CNTNAP2: variants seen among roughly 807,000 people sequenced by gnomAD.
CNTNAP2 encodes the protein contactin-associated protein-like 2.
Under a neutral mutation model 155.2 loss-of-function variants are expected in CNTNAP2, and 98 were observed. The ratio of observed to expected loss-of-function variants is 0.63; its 90% CI spans 0.54 to 0.75. The LOEUF is 0.75. Ranked by LOEUF, CNTNAP2 falls within the 30% of genes least tolerant of loss-of-function variation. The pLI, the probability that CNTNAP2 is intolerant of heterozygous loss-of-function variation, is 0.00. For synonymous variants in CNTNAP2, 651 were observed against 631.2 expected, an observed-to-expected ratio of 1.03 and a Z score of -0.47; for missense variants, 1,727 against 1,688.1, an observed-to-expected ratio of 1.02 and a Z score of -0.40.
At chr7:148,099,108 A>G (rs1804037927) in intron 15 of CNTNAP2, among the ~76,000 whole-genome samples, 1 of 152,200 alleles carries the variant, frequency 6.6e-6, no homozygotes, top group East Asian at 1.9e-4. Context: ...CTATTGTGGA[A>G]GCGACGAAAC....
chr7:146,323,498 A>G (rs1294617569), intron 1 of CNTNAP2, among the ~76,000 whole-genome samples: 1 of 152,194 alleles, frequency 6.6e-6, no homozygotes, highest in Non-Finnish European at 1.5e-5. Context: ...ATGAAATGAC[A>G]AAATCAAAAC....
intron 1 of CNTNAP2, among the ~76,000 whole-genome samples, chr7:146,222,477 T>C (rs1396048949): frequency 6.6e-6 from 1 of 151,660 alleles, no homozygotes; most frequent in Non-Finnish European, 1.5e-5. Context: ...AATGAAAGGA[T>C]TGGGGCATGA....
chr7:147,949,865 A>G (rs1401936279), intron 14 of CNTNAP2, among the ~76,000 whole-genome samples: 1 of 152,162 alleles, frequency 6.6e-6, no homozygotes, highest in Non-Finnish European at 1.5e-5. Context: ...GTCCAGGTAG[A>G]ATGGGTAGTA....
At chr7:146,311,265 G>A (rs1800815963) in intron 1 of CNTNAP2, among the ~76,000 whole-genome samples, 1 of 152,116 alleles carries the variant, frequency 6.6e-6, no homozygotes, top group Non-Finnish European at 1.5e-5. Flanking sequence ...TGAAGACAAA[G>A]CAAATTTCTG....
At chr7:147,404,298 C>A (rs963653984) in intron 10 of CNTNAP2, among the ~76,000 whole-genome samples, 1 of 152,176 alleles carries the variant, frequency 6.6e-6, no homozygotes, top group Non-Finnish European at 1.5e-5. Context: ...CTTGAGCCAA[C>A]AAGCAATTTT....
At chr7:148,058,328 C>G (rs1308833788) in intron 15 of CNTNAP2, among the ~76,000 whole-genome samples, 2 of 152,164 alleles carry the variant, frequency 1.3e-5, no homozygotes, top group Non-Finnish European at 2.9e-5. Context: ...CCAGCAGCAT[C>G]TGTTTATGCC....
At chr7:146,954,977 T>C (rs1797403100) in intron 3 of CNTNAP2, among the ~76,000 whole-genome samples, 1 of 151,932 alleles carries the variant, frequency 6.6e-6, no homozygotes, top group Non-Finnish European at 1.5e-5. Flanking sequence ...GATGATAACC[T>C]TTTGCAGTGG....
intron 22 of CNTNAP2, among the ~76,000 whole-genome samples, chr7:148,386,419 T>G (rs1236185671): frequency 1.3e-5 from 2 of 152,114 alleles, no homozygotes; most frequent in African/African-American, 4.8e-5. Context: ...TCCCAGCTCC[T>G]CAGGAGGCTG....
intron 17 of CNTNAP2, among the ~76,000 whole-genome samples, chr7:148,152,864 C>CA (rs1368894926): frequency 6.6e-6 from 1 of 151,564 alleles, no homozygotes; most frequent in African/African-American, 2.4e-5. Context: ...ACTAAAAATA[C>CA]AAAAAAATTA....
chr7:147,610,509 G>T (rs1281858758), intron 12 of CNTNAP2, among the ~76,000 whole-genome samples: 2 of 152,162 alleles, frequency 1.3e-5, no homozygotes, highest in Non-Finnish European at 2.9e-5. Flanking sequence ...GCATGCCACA[G>T]TGGCACATTT....
intron 1 of CNTNAP2, among the ~76,000 whole-genome samples, chr7:146,613,023 A>G (rs375798928): frequency 6.6e-6 from 1 of 151,490 alleles, no homozygotes; most frequent in African/African-American, 2.4e-5. Context: ...AATTGCTCTC[A>G]ATATGATGAC....
At chr7:146,653,258 C>T (rs1225633615) in intron 1 of CNTNAP2, among the ~76,000 whole-genome samples, 1 of 152,114 alleles carries the variant, frequency 6.6e-6, no homozygotes, top group African/African-American at 2.4e-5. Context: ...CTAATGATTC[C>T]ACAGAGCTAT....
chr7:146,929,552 G>T (rs575581587), intron 3 of CNTNAP2, among the ~76,000 whole-genome samples: 2 of 152,270 alleles, frequency 1.3e-5, no homozygotes, highest in African/African-American at 4.8e-5. Context: ...CCAAAGGCAC[G>T]CAGTTCCTCA....
intron 21 of CNTNAP2, among the ~76,000 whole-genome samples, chr7:148,276,568 C>T (rs996966972): frequency 3.9e-5 from 6 of 152,308 alleles, no homozygotes; most frequent in South Asian, 4.1e-4. Context: ...CAGATGACAG[C>T]GAATCGCAGT....
intron 1 of CNTNAP2, among the ~76,000 whole-genome samples, chr7:146,203,858 A>AAT (rs145844576): frequency 0.012 from 1,868 of 152,190 alleles, 32 homozygotes; most frequent in African/African-American, 0.041. Context: ...ATGAAGAACA[A>AAT]ATATATATAT....
At chr7:147,615,406 C>G (rs143992893) in intron 12 of CNTNAP2, among the ~76,000 whole-genome samples, 230 of 149,774 alleles carry the variant, frequency 1.5e-3, no homozygotes, top group African/African-American at 5.2e-3. Context: ...TCAAAACCAG[C>G]CTAGGCAACA....
At chr7:147,591,010 C>G (rs1800725759) in intron 12 of CNTNAP2, among the ~76,000 whole-genome samples, 1 of 152,152 alleles carries the variant, frequency 6.6e-6, no homozygotes, top group African/African-American at 2.4e-5. Flanking sequence ...CTTCATTTGC[C>G]AATCTAAATT....
At chr7:147,896,329 C>T (rs1169669155) in intron 13 of CNTNAP2, among the ~76,000 whole-genome samples, 1 of 152,180 alleles carries the variant, frequency 6.6e-6, no homozygotes, top group Non-Finnish European at 1.5e-5. Context: ...GAACACCCAC[C>T]GTAACCGCCC....
intron 1 of CNTNAP2, among the ~76,000 whole-genome samples, chr7:146,198,425 C>A (rs765559514): frequency 2.6e-5 from 4 of 152,096 alleles, no homozygotes; most frequent in Admixed American, 2.6e-4. Context: ...ATAGAAAGCC[C>A]AAGTCCCAAA....
Sources: gnomAD v4.1 joint callset for allele counts (sites outside exome capture counted in the v4.1 genomes callset) on GRCh38, gnomAD v4.1.1 for gene constraint, MANE v1.5 for transcripts, NCBI Gene and HGNC (gene_info 2026-07-23, HGNC 2026-07-21) for gene names.